Variants in PTPRT observed in about 807,000 individuals in gnomAD.
PTPRT encodes receptor-type tyrosine-protein phosphatase T.
PTPRT carries 56 observed loss-of-function variants against 176.8 expected under a neutral mutation model. The ratio of observed to expected loss-of-function variants is 0.32; its 90% CI spans 0.26 to 0.40. The LOEUF is 0.40. Ranked by LOEUF, PTPRT falls within the 10% of genes least tolerant of loss-of-function variation. PTPRT has a pLI of 1.00. For missense variants in PTPRT, 1,540 were observed against 1,908.2 expected, an observed-to-expected ratio of 0.81 and a Z score of 3.60; for synonymous variants, 783 against 739.0, an observed-to-expected ratio of 1.06 and a Z score of -0.96.
chr20:42,415,780 T>C (rs1161509158), intron 9 of PTPRT, among the ~76,000 whole-genome samples: 2 of 152,190 alleles, frequency 1.3e-5, no homozygotes, highest in Non-Finnish European at 1.5e-5. Context: ...AGTGTGTACA[T>C]GGGAGTGATG....
chr20:42,079,585 G>A lies in PTPRT; in HGVS notation c.*1294C>T, dbSNP rs906607167. The A allele has an allele frequency of 8.9e-6, 2 of 225,498 alleles. No homozygotes were observed. Among genetic ancestry groups the A allele is most frequent in the Admixed American group, 1.1e-4 (2 of 17,528 alleles). The allele number at this position is 225,498 out of a possible 1,614,324, so 14.0% of individuals were successfully genotyped here. On this transcript the variant is annotated 3_prime_UTR_variant, in exon 31 of 31. Coordinates refer to ENST00000373187, the MANE Select transcript of PTPRT (RefSeq NM_007050.6). ...TACAGTAGAGACTTAGCAAATGTTG[G>A]TTCCCTCTCATTGACTCACTCACAC...
chr20:42,167,431 G>A (rs959784384), intron 16 of PTPRT, among the ~76,000 whole-genome samples: 1 of 152,062 alleles, frequency 6.6e-6, no homozygotes, highest in African/African-American at 2.4e-5. Flanking sequence ...CCTTTACAGA[G>A]CTTTGATCAA....
chr20:42,858,483 T>C (rs2078604414), intron 2 of PTPRT, among the ~76,000 whole-genome samples: 1 of 152,146 alleles, frequency 6.6e-6, no homozygotes, highest in African/African-American at 2.4e-5. Context: ...AAGGTGATGG[T>C]ATTAAGCGAT....
chr20:42,763,433 G>A (rs2076942791), intron 5 of PTPRT, among the ~76,000 whole-genome samples: 1 of 147,384 alleles, frequency 6.8e-6, no homozygotes, highest in Non-Finnish European at 1.5e-5. Context: ...CCTTCAGTGT[G>A]TTGGTTTGAA....
At chr20:42,408,946 T>C (rs1425020494) in intron 9 of PTPRT, among the ~76,000 whole-genome samples, 1 of 152,192 alleles carries the variant, frequency 6.6e-6, no homozygotes, top group East Asian at 1.9e-4. Context: ...CCCCAGTATC[T>C]CTCTCATAAG....
chr20:43,103,014 T>G (rs1277336549), intron 1 of PTPRT, among the ~76,000 whole-genome samples: 1 of 151,758 alleles, frequency 6.6e-6, no homozygotes, highest in African/African-American at 2.4e-5. Context: ...TGAGATTAAG[T>G]AGGGGAAGGA....
intron 1 of PTPRT, among the ~76,000 whole-genome samples, chr20:43,142,194 C>T (rs561106212): frequency 6.6e-6 from 1 of 152,332 alleles, no homozygotes; most frequent in South Asian, 2.1e-4. Flanking sequence ...GACCTTGAAA[C>T]AGTGAATCAT....
At chr20:43,153,214 AG>A (rs2014416502) in intron 1 of PTPRT, among the ~76,000 whole-genome samples, 1 of 152,224 alleles carries the variant, frequency 6.6e-6, no homozygotes, top group Non-Finnish European at 1.5e-5. Context: ...CAATATATAT[AG>A]TATGAATGAA....
At chr20:43,167,723 G>T in intron 1 of PTPRT, among the ~76,000 whole-genome samples, 6 of 152,216 alleles carry the variant, frequency 3.9e-5, no homozygotes, top group Admixed American at 3.9e-4. Flanking sequence ...ACATATGTTA[G>T]AAAGGTCCAT....
In PTPRT at chr20:42,136,602, G is replaced by GA. The variant is rs200949036; in HGVS notation, c.2770+5312dup. Among the ~76,000 whole-genome samples, 113 of 152,294 alleles carry GA rather than the reference G, an allele frequency of 7.4e-4. 4 individuals are homozygous for GA. The East Asian group carries it at 0.02, about 26-fold the overall frequency. On this transcript the variant is annotated intron_variant, in intron 18 of 30. Coordinates refer to ENST00000373187, the MANE Select transcript of PTPRT (RefSeq NM_007050.6). The stretch of plus-strand genomic sequence containing the variant: ...AGTAGATGCAACCTTTGAGGGGACT[G>GA]AAGGGGACTGGAGTTGAGAGGGGCA...
At chr20:42,678,259 CAA>C in intron 6 of PTPRT, 100 bp from the exon 7 acceptor site, 1 of 1,149,284 alleles carries the variant, frequency 8.7e-7, no homozygotes, top group Non-Finnish European at 1.2e-6. Context: ...GATGTAGCCA[CAA>C]AAAAAATAGT....
At chr20:42,883,611 G>A (rs2145859280) in intron 2 of PTPRT, among the ~76,000 whole-genome samples, 1 of 103,212 alleles carries the variant, frequency 9.7e-6, no homozygotes, top group South Asian at 3.3e-4. Flanking sequence ...GAGCATATGT[G>A]AATACACACA....
intron 1 of PTPRT, among the ~76,000 whole-genome samples, chr20:43,020,080 ATG>A (rs1985589928): frequency 7.1e-6 from 1 of 141,686 alleles, no homozygotes; most frequent in Non-Finnish European, 1.5e-5. Context: ...TTCTATATAT[ATG>A]TGAGTGTGTA....
In PTPRT at chr20:42,916,044, A is replaced by G. The variant is rs533916271; in HGVS notation, c.89-30112T>C. On this transcript the variant is annotated intron_variant, in intron 1 of 30. Coordinates refer to ENST00000373187, the MANE Select transcript of PTPRT (RefSeq NM_007050.6). ...TTAGTTACATATGTATACATGTGCC[A>G]TGTTGGTGTGCTGTACCCATTAACT... Among the ~76,000 whole-genome samples the G allele has an allele frequency of 5.3e-5, 8 of 152,122 alleles. No individual in the cohort carries two copies. The East Asian group carries it at 7.7e-4, about 15-fold the overall frequency.
intron 25 of PTPRT, among the ~76,000 whole-genome samples, chr20:42,102,762 A>C (rs1256245283): frequency 1.3e-5 from 2 of 152,204 alleles, no homozygotes; most frequent in African/African-American, 2.4e-5. Context: ...TGAGTATGGA[A>C]GGATGCCTAG....
intron 6 of PTPRT, among the ~76,000 whole-genome samples, chr20:42,710,629 G>A (rs2076130280): frequency 6.6e-6 from 1 of 152,264 alleles, no homozygotes; most frequent in Non-Finnish European, 1.5e-5. Flanking sequence ...CAAGGGCAGA[G>A]CCCTGCAAAG....
intron 7 of PTPRT, among the ~76,000 whole-genome samples, chr20:42,488,173 A>C (rs895942156): frequency 5.3e-5 from 8 of 151,944 alleles, no homozygotes; most frequent in Non-Finnish European, 7.4e-5. Context: ...TTTGCTTCTT[A>C]CTCATCACTG....
At chr20:42,250,912 A>T (rs1318598125) in intron 13 of PTPRT, among the ~76,000 whole-genome samples, 1 of 152,106 alleles carries the variant, frequency 6.6e-6, no homozygotes. Flanking sequence ...GACTGAGTAG[A>T]CTCTTCTCAT....
chr20:42,624,005 C>CAAAAAAAAAAAAAAAAAAAAAAAAAAAA (rs1159094345), intron 7 of PTPRT, among the ~76,000 whole-genome samples: 8 of 135,694 alleles, frequency 5.9e-5, no homozygotes, highest in East Asian at 2.0e-4. Context: ...AAAACAATAG[C>CAAAAAAAAAAAAAAAAAAAAAAAAAAAA]AACAAACAAA....
Sources: gnomAD v4.1 joint callset for allele counts (sites outside exome capture counted in the v4.1 genomes callset) on GRCh38, gnomAD v4.1.1 for gene constraint, MANE v1.5 for transcripts, NCBI Gene and HGNC (gene_info 2026-07-23, HGNC 2026-07-21) for gene names.